GALNT14: variants seen among roughly 807,000 people sequenced by gnomAD.
GALNT14 encodes the protein polypeptide N-acetylgalactosaminyltransferase 14.
A neutral mutation model predicts 77.5 loss-of-function variants in GALNT14; 60 were observed. The observed-to-expected ratio is 0.77, with a 90% CI of 0.63 to 0.96. The LOEUF is 0.96. GALNT14 is among the 40% of genes least tolerant of loss of function. The probability of loss-of-function intolerance (pLI) is 0.00; values close to 1 mark genes in which losing one functional copy is unlikely to be tolerated. For missense variants in GALNT14, 710 were observed against 731.0 expected, an observed-to-expected ratio of 0.97 and a Z score of 0.33; for synonymous variants, 280 against 281.7, an observed-to-expected ratio of 0.99 and a Z score of 0.06.
At chr2:31,127,798 G>C (rs1054448902) in intron 1 of GALNT14, among the ~76,000 whole-genome samples, 2 of 152,158 alleles carry the variant, frequency 1.3e-5, no homozygotes, top group African/African-American at 4.8e-5. Context: ...AGACAGGCAG[G>C]GAGAATTATA....
intron 1 of GALNT14, among the ~76,000 whole-genome samples, chr2:31,131,208 G>A (rs1192338189): frequency 1.3e-5 from 2 of 152,128 alleles, no homozygotes; most frequent in Non-Finnish European, 2.9e-5. Flanking sequence ...TGACATGATG[G>A]GAGCTAGAGA....
intron 1 of GALNT14, among the ~76,000 whole-genome samples, chr2:31,122,945 G>A (rs1198934679): frequency 4.6e-5 from 7 of 152,142 alleles, no homozygotes. Flanking sequence ...ACTTTGGGAG[G>A]CCGAGGCGGG....
intron 2 of GALNT14, among the ~76,000 whole-genome samples, chr2:30,967,416 T>G (rs1445338629): frequency 6.6e-6 from 1 of 152,156 alleles, no homozygotes; most frequent in Non-Finnish European, 1.5e-5. Context: ...CAGTTTTTTC[T>G]ATAGGGGCAT....
intron 1 of GALNT14, among the ~76,000 whole-genome samples, chr2:31,118,324 A>C (rs922977788): frequency 3.3e-5 from 5 of 152,342 alleles, no homozygotes; most frequent in Non-Finnish European, 5.9e-5. Context: ...ACCAAAAAAA[A>C]CTATAAACAA....
chr2:30,992,318 C>T (rs531738676), intron 2 of GALNT14, among the ~76,000 whole-genome samples: 2 of 152,270 alleles, frequency 1.3e-5, no homozygotes, highest in African/African-American at 2.4e-5. Context: ...GTGAATGAGC[C>T]CCTCCAAAGG....
At chr2:31,035,119 G>T (rs1035146586) in intron 1 of GALNT14, among the ~76,000 whole-genome samples, 5 of 152,170 alleles carry the variant, frequency 3.3e-5, no homozygotes, top group Admixed American at 3.3e-4. Context: ...TTAGTTTGCG[G>T]TGTTGTTCAA....
intron 1 of GALNT14, among the ~76,000 whole-genome samples, chr2:31,122,802 C>T (rs1558583274): frequency 6.6e-6 from 1 of 152,118 alleles, no homozygotes; most frequent in East Asian, 1.9e-4. Flanking sequence ...TTTTGTGGGT[C>T]ACACAGTCTC....
chr2:31,047,508 C>A lies in GALNT14; in HGVS notation c.130-54501G>T, dbSNP rs1258498438. On this transcript the variant is annotated intron_variant, in intron 1 of 14. Coordinates refer to ENST00000349752, the MANE Select transcript of GALNT14 (RefSeq NM_024572.4). Reference sequence around the variant, plus strand: ...GGGCCTGAAGAGCTTCAGAATTGGTCCTTTCTGAGGACCCTGTACTCTGGG... The same window carrying A: ...GGGCCTGAAGAGCTTCAGAATTGGTACTTTCTGAGGACCCTGTACTCTGGG... Among the ~76,000 whole-genome samples, 5 of 152,190 alleles carry A rather than the reference C, an allele frequency of 3.3e-5. No individual in the cohort carries two copies. In the South Asian group the frequency reaches 8.3e-4, roughly 25 times the overall value.
chr2:31,074,254 C>A (rs1675612341), intron 1 of GALNT14, among the ~76,000 whole-genome samples: 1 of 152,120 alleles, frequency 6.6e-6, no homozygotes, highest in Non-Finnish European at 1.5e-5. Flanking sequence ...CTCTGAGCTG[C>A]CTGACCTTGG....
intron 6 of GALNT14, among the ~76,000 whole-genome samples, chr2:30,946,860 C>T (rs1296386743): frequency 1.3e-5 from 2 of 152,144 alleles, no homozygotes; most frequent in Non-Finnish European, 2.9e-5. Flanking sequence ...CCCCGACTTC[C>T]CTGTTAGCTT....
intron 1 of GALNT14, among the ~76,000 whole-genome samples, chr2:31,075,541 T>A (rs1347237833): frequency 6.6e-6 from 1 of 152,188 alleles, no homozygotes; most frequent in Non-Finnish European, 1.5e-5. Context: ...CAGCTGGACA[T>A]GGCAGCATTT....
rs750360701 is a variant in GALNT14, at chr2:31,120,150, C to T, written c.129+17808G>A. ...CAGCCTGGGCGACAGAGCGAGACTC[C>T]GTCTCAAAAAAAAAAAAAAAAAAAA... On this transcript the variant is annotated intron_variant, in intron 1 of 14. Transcript: ENST00000349752. Among the ~76,000 whole-genome samples the T allele has an allele frequency of 6.1e-4, 75 of 122,978 alleles. 16 individuals are homozygous for T. Among genetic ancestry groups the T allele is most frequent in the Non-Finnish European group, 1.0e-3 (63 of 63,004 alleles). 80.7% of individuals were successfully genotyped at this position (122,978 alleles called of 152,430 possible).
chr2:31,123,120 T>C (rs1678502357), intron 1 of GALNT14, among the ~76,000 whole-genome samples: 1 of 139,924 alleles, frequency 7.1e-6, no homozygotes. Context: ...AGGCGGAGCT[T>C]GCAGTGAGCC....
chr2:31,015,159 G>A lies in GALNT14; in HGVS notation c.130-22152C>T, dbSNP rs1573163416. ...ACAAAAACGTTAGCTGGGCATAGTGGTGCACTCCTGTAATCCCAGCTACTT... is the reference window on the plus strand; with the variant it reads ...ACAAAAACGTTAGCTGGGCATAGTGATGCACTCCTGTAATCCCAGCTACTT... On this transcript the variant is annotated intron_variant, in intron 1 of 14. Coordinates refer to ENST00000349752, the MANE Select transcript of GALNT14 (RefSeq NM_024572.4). Among the ~76,000 whole-genome samples, 9 of 152,206 alleles carry A rather than the reference G, an allele frequency of 5.9e-5. No homozygotes were observed. The East Asian group carries it at 1.5e-3, about 26-fold the overall frequency.
At chr2:30,932,935 C>T (rs1030185860) in intron 9 of GALNT14, among the ~76,000 whole-genome samples, 9 of 152,200 alleles carry the variant, frequency 5.9e-5, no homozygotes, top group African/African-American at 2.2e-4. Flanking sequence ...TGTACACACA[C>T]CCATTTCTTC....
At chr2:30,952,406 T>C (rs1391852178) in intron 6 of GALNT14, among the ~76,000 whole-genome samples, 1 of 151,380 alleles carries the variant, frequency 6.6e-6, no homozygotes, top group Non-Finnish European at 1.5e-5. Context: ...GTGGCACATA[T>C]ACACCATGGA....
At chr2:31,016,212 G>A (rs997703100) in intron 1 of GALNT14, among the ~76,000 whole-genome samples, 1 of 152,172 alleles carries the variant, frequency 6.6e-6, no homozygotes, top group Middle Eastern at 3.2e-3. Context: ...GCAGATGGCC[G>A]TCTTCTGGCT....
Position 30,969,022 on chromosome 2 carries a change from G to A in GALNT14, c.300-2720C>T, listed in dbSNP as rs1573058851. Reference sequence around the variant, plus strand: ...GGTCTGTGAGAGCATGGAGGGGCTTGGAGAGGCCCAGGCAGAGGGGAAGGA... The same window carrying A: ...GGTCTGTGAGAGCATGGAGGGGCTTAGAGAGGCCCAGGCAGAGGGGAAGGA... On this transcript the variant is annotated intron_variant, in intron 2 of 14. Coordinates refer to ENST00000349752, the MANE Select transcript of GALNT14 (RefSeq NM_024572.4). Among the ~76,000 whole-genome samples, 6 of 152,162 alleles carry A rather than the reference G, an allele frequency of 3.9e-5. No homozygotes were observed. In the South Asian group the frequency reaches 8.3e-4, roughly 21 times the overall value.
intron 2 of GALNT14, among the ~76,000 whole-genome samples, chr2:30,986,123 A>G (rs1259065737): frequency 2.6e-5 from 4 of 152,094 alleles, no homozygotes. Flanking sequence ...CAAAGTGTAG[A>G]ATTTTCCCTA....
Sources: allele counts gnomAD v4.1 joint callset (sites outside exome capture counted in the v4.1 genomes callset), GRCh38; gene constraint gnomAD v4.1.1; transcripts MANE v1.5; gene names NCBI Gene and HGNC (gene_info 2026-07-23, HGNC 2026-07-21).